The following GADL1 variants were observed in gnomAD, a reference collection of about 807,000 sequenced individuals.
GADL1 encodes the protein acidic amino acid decarboxylase GADL1.
Under a neutral mutation model 69.5 loss-of-function variants are expected in GADL1, and 71 were observed. The ratio of observed to expected loss-of-function variants is 1.02; its 90% CI spans 0.84 to 1.25. The LOEUF is 1.25. Ranked by LOEUF, GADL1 falls within the 50% of genes most tolerant of loss-of-function variation. The probability of loss-of-function intolerance (pLI) is 0.00; values close to 1 mark genes in which losing one functional copy is unlikely to be tolerated. For missense variants in GADL1, 737 were observed against 631.8 expected, an observed-to-expected ratio of 1.17 and a Z score of -1.79; for synonymous variants, 254 against 214.4, an observed-to-expected ratio of 1.18 and a Z score of -1.62.
intron 14 of GADL1, among the ~76,000 whole-genome samples, chr3:30,758,342 C>A (rs574616499): frequency 1.7e-4 from 26 of 152,252 alleles, no homozygotes; most frequent in Non-Finnish European, 3.7e-4. Flanking sequence ...CTGGGCTATT[C>A]TTTGCAGCCT....
chr3:30,849,900 G>A lies in GADL1; in HGVS notation c.651+96C>T, dbSNP rs9872932. ...TATACTGCAGCATATTAGTCACATG[G>A]GTATAGGACAAAATCACATCAGGAA... is the stretch of plus-strand genomic sequence containing the variant. On this transcript the variant is annotated intron_variant, in intron 6 of 14. Transcript: ENST00000282538. 2.0e-3 allele frequency: 1,440 copies of A among 717,500 alleles called. 10 individuals are homozygous for A. In the African/African-American group the frequency reaches 0.022, roughly 11 times the overall value. The allele number at this position is 717,500 out of a possible 1,614,324, so 44.4% of individuals were successfully genotyped here. A position where few individuals can be genotyped will look rare whatever the true frequency, so the allele number is the denominator to read the frequency against.
At chr3:30,875,213 G>GAAA (rs796713938) in intron 1 of GADL1, among the ~76,000 whole-genome samples, 6 of 108,128 alleles carry the variant, frequency 5.5e-5, no homozygotes, top group East Asian at 2.6e-4. Flanking sequence ...AGGATATAGA[G>GAAA]AAAAAAAAAA....
chr3:30,750,630 TCTC>T lies in GADL1; in HGVS notation c.1393-22218_1393-22216del, dbSNP rs531602705. Among the ~76,000 whole-genome samples the T allele has an allele frequency of 2.8e-4, 36 of 127,558 alleles. No individual in the cohort carries two copies. In the East Asian group the frequency reaches 8.3e-3, roughly 30 times the overall value. 83.7% of individuals were successfully genotyped at this position (127,558 alleles called of 152,430 possible). ...TATAAAAATTTCCGTCTATCCCTTC[TCTC>T]CTCTTGCAGCCACTTTTTTTTTTTA... On this transcript the variant is annotated intron_variant, in intron 14 of 14. Transcript: ENST00000282538.
chr3:30,865,299 A>T (rs1437999066), intron 1 of GADL1, among the ~76,000 whole-genome samples: 6 of 139,774 alleles, frequency 4.3e-5, no homozygotes, highest in African/African-American at 1.3e-4. Flanking sequence ...ATATATATAT[A>T]TATATATTTT....
At chr3:30,763,372 C>G (rs1405441926) in intron 14 of GADL1, among the ~76,000 whole-genome samples, 1 of 151,256 alleles carries the variant, frequency 6.6e-6, no homozygotes, top group African/African-American at 2.4e-5. Context: ...GTATAGTGGC[C>G]GGCGCCTGTA....
rs1400684574 is a variant in GADL1, at chr3:30,751,463, G to GT, written c.1393-23049dup. 1.1e-4 allele frequency among the ~76,000 whole-genome samples: 17 copies of GT among 150,584 alleles called. No homozygotes were observed. The South Asian group carries it at 3.2e-3, about 28-fold the overall frequency. Reference sequence around the variant, plus strand: ...CTTCTTTTATTCCTTCGTGTCTTCTGTTCAACATTCCGAGAACCTGGGTAA... The same window carrying GT: ...CTTCTTTTATTCCTTCGTGTCTTCTGTTTCAACATTCCGAGAACCTGGGTAA... On this transcript the variant is annotated intron_variant, in intron 14 of 14. Coordinates refer to ENST00000282538, the MANE Select transcript of GADL1 (RefSeq NM_207359.3).
chr3:30,761,280 G>GA (rs562478461), intron 14 of GADL1, among the ~76,000 whole-genome samples: 188 of 127,704 alleles, frequency 1.5e-3, no homozygotes, highest in African/African-American at 5.0e-3. Context: ...AAGACAGCTA[G>GA]AGCCTCTCAG....
At chr3:30,828,479 T>TGGGG (rs11373623) in intron 11 of GADL1, among the ~76,000 whole-genome samples, 20 of 133,400 alleles carry the variant, frequency 1.5e-4, no homozygotes, top group African/African-American at 5.4e-4. Context: ...AAAATAAAAG[T>TGGGG]GGGGGGGGTG....
chr3:30,865,822 C>T (rs11923643), intron 1 of GADL1, among the ~76,000 whole-genome samples: 42 of 151,952 alleles, frequency 2.8e-4, no homozygotes, highest in African/African-American at 9.4e-4. Context: ...TAGAAGTCAG[C>T]GCACGGACCA....
chr3:30,758,442 A>G (rs1015647211), intron 14 of GADL1, among the ~76,000 whole-genome samples: 5 of 152,148 alleles, frequency 3.3e-5, no homozygotes, highest in East Asian at 1.9e-4. Flanking sequence ...TCTTCTCAGG[A>G]AGAACCACAA....
intron 14 of GADL1, among the ~76,000 whole-genome samples, chr3:30,730,281 A>T (rs1432340799): frequency 6.6e-6 from 1 of 152,208 alleles, no homozygotes; most frequent in Non-Finnish European, 1.5e-5. Context: ...TAGTAAAAAA[A>T]TATGTAAAAC....
At chr3:30,825,842 T>G (rs1263282002) in intron 11 of GADL1, among the ~76,000 whole-genome samples, 3 of 151,878 alleles carry the variant, frequency 2.0e-5, no homozygotes, top group Non-Finnish European at 4.4e-5. Context: ...AAAACCTAGA[T>G]GATGGGTTGA....
At chr3:30,871,289 G>C (rs1698478634) in intron 1 of GADL1, among the ~76,000 whole-genome samples, 1 of 151,468 alleles carries the variant, frequency 6.6e-6, no homozygotes, top group Non-Finnish European at 1.5e-5. Context: ...AAGCGGGACT[G>C]GTGTAAAGTT....
At chr3:30,847,273 A>G (rs1309380374) in intron 6 of GADL1, among the ~76,000 whole-genome samples, 1 of 152,190 alleles carries the variant, frequency 6.6e-6, no homozygotes. Flanking sequence ...GTAAAATTAC[A>G]ATAAAAGCCT....
At chr3:30,785,393 T>TTTTC (rs1553638919) in intron 13 of GADL1, among the ~76,000 whole-genome samples, 2 of 149,684 alleles carry the variant, frequency 1.3e-5, no homozygotes, top group African/African-American at 5.0e-5. Flanking sequence ...TTTTTTTTTT[T>TTTTC]TTCCCCCCGA....
intron 14 of GADL1, among the ~76,000 whole-genome samples, chr3:30,729,890 T>A (rs1695428743): frequency 6.6e-6 from 1 of 152,154 alleles, no homozygotes. Flanking sequence ...AAAATCACAT[T>A]GCCATTCTAG....
At chr3:30,793,665 AT>A (rs2125503206) in intron 12 of GADL1, among the ~76,000 whole-genome samples, 1 of 152,176 alleles carries the variant, frequency 6.6e-6, no homozygotes, top group African/African-American at 2.4e-5. Flanking sequence ...CTGCAAAACA[AT>A]TTTTCTTCCT....
At chr3:30,793,949 CAT>C (rs1696974907) in intron 12 of GADL1, among the ~76,000 whole-genome samples, 3 of 152,208 alleles carry the variant, frequency 2.0e-5, no homozygotes, top group African/African-American at 7.2e-5. Flanking sequence ...TAGATCAGCA[CAT>C]GTCACATGAC....
intron 1 of GADL1, among the ~76,000 whole-genome samples, chr3:30,872,939 A>G (rs1223246645): frequency 1.3e-5 from 2 of 151,874 alleles, no homozygotes; most frequent in Non-Finnish European, 2.9e-5. Context: ...ATCTATTTAC[A>G]CTGTTTTCCA....
Sources: gnomAD v4.1 joint callset for allele counts (sites outside exome capture counted in the v4.1 genomes callset) on GRCh38, gnomAD v4.1.1 for gene constraint, MANE v1.5 for transcripts, NCBI Gene and HGNC (gene_info 2026-07-23, HGNC 2026-07-21) for gene names.